CTNNA2: variants seen among roughly 807,000 people sequenced by gnomAD.
CTNNA2 encodes catenin alpha 2.
Under a neutral mutation model 101.0 loss-of-function variants are expected in CTNNA2, and 42 were observed. That is an observed-to-expected ratio of 0.42 (90% CI 0.32 to 0.54). CTNNA2 has a LOEUF of 0.54. CTNNA2 is among the 20% of genes least tolerant of loss of function. The pLI is 0.14. For synonymous variants in CTNNA2, 450 were observed against 456.4 expected, an observed-to-expected ratio of 0.99 and a Z score of 0.18; for missense variants, 871 against 1,223.1, an observed-to-expected ratio of 0.71 and a Z score of 4.29.
chr2:79,501,915 G>A (rs1009281156), intron 4 of CTNNA2, among the ~76,000 whole-genome samples: 2 of 151,234 alleles, frequency 1.3e-5, no homozygotes, highest in South Asian at 4.2e-4. Flanking sequence ...AAATCTCATT[G>A]AACTTTCTAT....
intron 9 of CTNNA2, among the ~76,000 whole-genome samples, chr2:80,508,592 T>C (rs1573075276): frequency 2.6e-5 from 4 of 152,088 alleles, no homozygotes; most frequent in South Asian, 4.1e-4. Context: ...CTATATTTTA[T>C]CTCTGGATCA....
chr2:79,970,333 C>CT (rs1204501211), intron 7 of CTNNA2, among the ~76,000 whole-genome samples: 3 of 152,166 alleles, frequency 2.0e-5, no homozygotes, highest in African/African-American at 7.2e-5. Flanking sequence ...CTTGAAACCT[C>CT]TTTTCAAAAA....
intron 4 of CTNNA2, among the ~76,000 whole-genome samples, chr2:79,863,014 T>C (rs1011261605): frequency 1.3e-5 from 2 of 152,214 alleles, no homozygotes; most frequent in African/African-American, 4.8e-5. Flanking sequence ...CTGAGGACTC[T>C]GTTCTCTGTA....
In CTNNA2 at chr2:79,775,741, T is replaced by A. The variant is rs576471752; in HGVS notation, c.298+31159T>A. Among the ~76,000 whole-genome samples the A allele has an allele frequency of 7.9e-5, 12 of 152,322 alleles. No homozygotes were observed. In the East Asian group the frequency reaches 2.3e-3, roughly 29 times the overall value. Reference sequence around the variant, plus strand: ...TAAATGCCATTTTCTGTGTTATCTTTATTCTTGAGTTTTTTGGTAGGTGTT... The same window carrying A: ...TAAATGCCATTTTCTGTGTTATCTTAATTCTTGAGTTTTTTGGTAGGTGTT... On this transcript the variant is annotated intron_variant, in intron 3 of 18. Transcript: ENST00000402739.
At position 79,736,193 on chromosome 2, in the gene CTNNA2, CA is replaced by C. The variant is rs1478185562; in HGVS notation, c.103-8192del. 2.6e-5 allele frequency among the ~76,000 whole-genome samples: 4 copies of C among 152,204 alleles called. No individual in the cohort carries two copies. The East Asian group carries it at 5.8e-4, about 22-fold the overall frequency. On this transcript the variant is annotated intron_variant, in intron 2 of 18. Transcript: ENST00000402739. ...GGTCTGCCTTTCTCTCTGATGTGTACAACATACAACATACATATATCTTTAA... is the reference window on the plus strand; with the variant it reads ...GGTCTGCCTTTCTCTCTGATGTGTACACATACAACATACATATATCTTTAA...
intron 7 of CTNNA2, among the ~76,000 whole-genome samples, chr2:80,094,681 T>C (rs367602522): frequency 2.0e-5 from 3 of 152,214 alleles, no homozygotes; most frequent in African/African-American, 7.2e-5. Flanking sequence ...TTTTATTTCA[T>C]TGAGCAGTGG....
At chr2:79,298,140 T>C (rs190746167) in intron 2 of CTNNA2, among the ~76,000 whole-genome samples, 2 of 152,304 alleles carry the variant, frequency 1.3e-5, no homozygotes, top group African/African-American at 4.8e-5. Flanking sequence ...GTAGGCTTCA[T>C]AGGCATGGCA....
chr2:80,099,257 C>A (rs1199850046), intron 7 of CTNNA2, among the ~76,000 whole-genome samples: 1 of 151,956 alleles, frequency 6.6e-6, no homozygotes, highest in Non-Finnish European at 1.5e-5. Flanking sequence ...TTACCATTTA[C>A]TAGCTGAGTT....
At chr2:79,595,529 A>G (rs187112018) in intron 1 of CTNNA2, among the ~76,000 whole-genome samples, 6 of 152,250 alleles carry the variant, frequency 3.9e-5, no homozygotes, top group African/African-American at 1.4e-4. Flanking sequence ...GGATGCCTGC[A>G]CTATCAACCC....
At chr2:80,375,910 T>G (rs545021038) in intron 7 of CTNNA2, among the ~76,000 whole-genome samples, 1 of 152,214 alleles carries the variant, frequency 6.6e-6, no homozygotes, top group African/African-American at 2.4e-5. Context: ...TTTACTCACT[T>G]TTGATTCCTG....
intron 3 of CTNNA2, among the ~76,000 whole-genome samples, chr2:79,771,096 A>C (rs562537709): frequency 2.1e-4 from 32 of 152,330 alleles, no homozygotes; most frequent in South Asian, 1.2e-3. Context: ...TGATTTTCCA[A>C]ATCAAACTAC....
rs760857550 is a variant in CTNNA2, at chr2:80,303,286, C to T, written c.1057-89925C>T. 1 of 1,613,616 alleles carries T rather than the reference C, an allele frequency of 6.2e-7. No homozygotes were observed. Among genetic ancestry groups the T allele is most frequent in the Non-Finnish European group, 8.5e-7 (1 of 1,180,016 alleles). Reference sequence around the variant, plus strand: ...GGCTGCGGCAGTCCTGGAAGATGCGCACGGGCACAAACTGGATGGCGTTGG... The same window carrying T: ...GGCTGCGGCAGTCCTGGAAGATGCGTACGGGCACAAACTGGATGGCGTTGG... On this transcript the variant is annotated intron_variant, in intron 7 of 18. Transcript: ENST00000402739. This position sits in a 1 kb window ranked among gnomAD's most constrained non-coding sequence, Gnocchi z 7.7.
intron 7 of CTNNA2, among the ~76,000 whole-genome samples, chr2:80,343,392 T>C (rs1349482004): frequency 4.1e-5 from 6 of 144,910 alleles, no homozygotes; most frequent in Non-Finnish European, 4.5e-5. Flanking sequence ...TCATTTTCCA[T>C]CTGGTGACTT....
chr2:79,814,336 C>G (rs943896420), intron 3 of CTNNA2, among the ~76,000 whole-genome samples: 10 of 152,004 alleles, frequency 6.6e-5, no homozygotes, highest in Admixed American at 1.3e-4. Context: ...CACCCTGCAC[C>G]TATCACCCAA....
chr2:79,995,156 A>T (rs1315223345), intron 7 of CTNNA2, among the ~76,000 whole-genome samples: 3 of 152,218 alleles, frequency 2.0e-5, no homozygotes, highest in African/African-American at 4.8e-5. Flanking sequence ...CAATGCAATT[A>T]TCTCAGCTTG....
At chr2:80,579,486 G>T (rs1172394936) in intron 13 of CTNNA2, 1 of 152,144 alleles carries the variant, frequency 6.6e-6, no homozygotes, top group Non-Finnish European at 1.5e-5. Context: ...ACAGTACACT[G>T]CAAAAGAGGG....
chr2:79,196,054 A>G (rs1211617686), intron 1 of CTNNA2, among the ~76,000 whole-genome samples: 1 of 152,084 alleles, frequency 6.6e-6, no homozygotes, highest in East Asian at 1.9e-4. Flanking sequence ...CTCCTGCCTC[A>G]GCCTCCTGAG....
chr2:79,286,678 C>T (rs959912641), intron 2 of CTNNA2, among the ~76,000 whole-genome samples: 3 of 152,136 alleles, frequency 2.0e-5, no homozygotes, highest in African/African-American at 7.2e-5. Context: ...TCTCTGGCCG[C>T]CCTTAACATT....
intron 3 of CTNNA2, among the ~76,000 whole-genome samples, chr2:79,798,381 A>G (rs961272416): frequency 1.3e-5 from 2 of 152,102 alleles, no homozygotes; most frequent in Non-Finnish European, 2.9e-5. Flanking sequence ...ATCCTCATGG[A>G]TCTCCAAAAT....
Sources: gnomAD v4.1 joint callset for allele counts (sites outside exome capture counted in the v4.1 genomes callset) on GRCh38, gnomAD v4.1.1 for gene constraint, Gnocchi (gnomAD v3.1) non-coding constraint, MANE v1.5 for transcripts, NCBI Gene and HGNC (gene_info 2026-07-23, HGNC 2026-07-21) for gene names.